The following ANKRD31 variants were observed in gnomAD, a reference collection of about 807,000 sequenced individuals.
ANKRD31 encodes the protein ankyrin repeat domain-containing protein 31.
In ANKRD31, 147 loss-of-function variants were observed where a neutral mutation model predicts 186.0. That is an observed-to-expected ratio of 0.79 (90% CI 0.69 to 0.91). The LOEUF is 0.91. Ranked by LOEUF, ANKRD31 falls within the 40% of genes least tolerant of loss-of-function variation. The pLI is 0.00. For synonymous variants in ANKRD31, 673 were observed against 736.4 expected, an observed-to-expected ratio of 0.91 and a Z score of 1.39; for missense variants, 1,986 against 2,148.8, an observed-to-expected ratio of 0.92 and a Z score of 1.50.
Position 75,146,992 on chromosome 5 carries a change from C to T in ANKRD31, c.2419G>A (p.Glu807Lys), listed in dbSNP as rs1279089537. 1 of 1,536,302 alleles carries T rather than the reference C, an allele frequency of 6.5e-7. No homozygotes were observed. Among genetic ancestry groups the T allele is most frequent in the Non-Finnish European group, 8.7e-7 (1 of 1,146,290 alleles). ...SSTEACSVSK[E>K]KHIQNLDLSD... ...AAATCCAGGTTCTGGATGTGTTTCTCTTTGGAAACTGAACAAGCCTCAGTA... is the reference window on the plus strand; with the variant it reads ...AAATCCAGGTTCTGGATGTGTTTCTTTTTGGAAACTGAACAAGCCTCAGTA... Residue 807 changes from glutamate to lysine, a missense_variant, in exon 14 of 26, where the codon GAG (glutamate) becomes AAG (lysine). Coordinates refer to ENST00000506364, the MANE Select transcript of ANKRD31 (RefSeq NM_001372053.1).
chr5:75,133,726 C>T (rs12466059), intron 17 of ANKRD31, among the ~76,000 whole-genome samples: 2 of 152,156 alleles, frequency 1.3e-5, no homozygotes, highest in African/African-American at 4.8e-5. Context: ...TTTTCAGCAC[C>T]ACACCACACC....
At chr5:75,118,983 C>T (rs984458351) in intron 17 of ANKRD31, among the ~76,000 whole-genome samples, 1 of 150,508 alleles carries the variant, frequency 6.6e-6, no homozygotes, top group African/African-American at 2.4e-5. Flanking sequence ...TCTATTTAGA[C>T]AATATTTTAT....
chr5:75,145,986 C>T lies in ANKRD31; in HGVS notation c.3424+1G>A. The stretch of plus-strand genomic sequence containing the variant: ...TACAGATTAAGCAATATTACTAATA[C>T]CTGGTTTGTGAGAAATTTCCTTCTT... On this transcript the variant is annotated splice_donor_variant, in intron 14 of 25. Coordinates refer to ENST00000506364, the MANE Select transcript of ANKRD31 (RefSeq NM_001372053.1). LOFTEE classifies it high-confidence loss of function. 2 of 1,467,382 alleles carry T rather than the reference C, an allele frequency of 1.4e-6. No homozygotes were observed. Among genetic ancestry groups the T allele is most frequent in the East Asian group, 2.5e-5 (1 of 40,356 alleles). 90.9% of individuals were successfully genotyped at this position (1,467,382 alleles called of 1,614,324 possible). A position where few individuals can be genotyped will look rare whatever the true frequency, so the allele number is the denominator to read the frequency against.
At chr5:75,149,209 C>A (rs1224933232) in intron 12 of ANKRD31, among the ~76,000 whole-genome samples, 4 of 151,658 alleles carry the variant, frequency 2.6e-5, no homozygotes, top group African/African-American at 9.7e-5. Flanking sequence ...ATAAAAGTAG[C>A]ATTAAAGTTA....
intron 7 of ANKRD31, among the ~76,000 whole-genome samples, chr5:75,194,877 G>C (rs1375125877): frequency 6.6e-6 from 1 of 152,118 alleles, no homozygotes; most frequent in Non-Finnish European, 1.5e-5. Context: ...TACCTCTAAA[G>C]AGTGAAACTG....
chr5:75,227,987 C>G (rs1011325391), intron 2 of ANKRD31, among the ~76,000 whole-genome samples: 3 of 152,204 alleles, frequency 2.0e-5, no homozygotes, highest in African/African-American at 7.2e-5. Flanking sequence ...AAACCATACC[C>G]CCAACCGCCA....
chr5:75,233,916 CA>C (rs955961027), intron 1 of ANKRD31, among the ~76,000 whole-genome samples: 35 of 140,476 alleles, frequency 2.5e-4, no homozygotes, highest in East Asian at 4.1e-4. Context: ...GACTCCGTCT[CA>C]AAAAAAAAAA....
chr5:75,094,381 A>G (rs1388547856), intron 22 of ANKRD31, among the ~76,000 whole-genome samples: 3 of 152,162 alleles, frequency 2.0e-5, no homozygotes, highest in African/African-American at 7.2e-5. Context: ...ATGTATAACA[A>G]TAATATCATA....
intron 24 of ANKRD31, 74 bp downstream of exon 24, chr5:75,084,198 T>A: frequency 1.8e-6 from 2 of 1,097,538 alleles, no homozygotes; most frequent in South Asian, 2.8e-5. Context: ...AAAGACAAAA[T>A]AAAATGAGTG....
intron 15 of ANKRD31, among the ~76,000 whole-genome samples, chr5:75,141,931 T>C (rs555143936): frequency 6.6e-6 from 1 of 152,262 alleles, no homozygotes; most frequent in Admixed American, 6.6e-5. Context: ...CAAAAACTTC[T>C]CAATGTTACT....
At chr5:75,197,571 TA>T (rs1755550843) in intron 6 of ANKRD31, among the ~76,000 whole-genome samples, 1 of 152,180 alleles carries the variant, frequency 6.6e-6, no homozygotes, top group South Asian at 2.1e-4. Context: ...ATTTATTTGT[TA>T]GCAATGCTAA....
At chr5:75,102,913 A>T (rs1003601391) in intron 22 of ANKRD31, among the ~76,000 whole-genome samples, 1 of 152,044 alleles carries the variant, frequency 6.6e-6, no homozygotes, top group Non-Finnish European at 1.5e-5. Flanking sequence ...GTTTCGGCTC[A>T]CACTCTGTGG....
At chr5:75,194,249 T>C (rs748052656) in intron 7 of ANKRD31, among the ~76,000 whole-genome samples, 3 of 152,182 alleles carry the variant, frequency 2.0e-5, no homozygotes, top group Non-Finnish European at 2.9e-5. Flanking sequence ...ATTTGATCTC[T>C]TCTAAGTAAG....
chr5:75,130,297 A>C (rs1485728552), intron 17 of ANKRD31, among the ~76,000 whole-genome samples: 1 of 152,222 alleles, frequency 6.6e-6, no homozygotes, highest in Non-Finnish European at 1.5e-5. Flanking sequence ...GCAGACCCAA[A>C]GAGTGAGCAG....
At chr5:75,134,741 C>T (rs879191463) in intron 17 of ANKRD31, among the ~76,000 whole-genome samples, 1 of 152,142 alleles carries the variant, frequency 6.6e-6, no homozygotes, top group Admixed American at 6.5e-5. Flanking sequence ...ACCAATATCC[C>T]TGATGAACAC....
At chr5:75,104,179 CACTT>C in intron 22 of ANKRD31, 45 bp downstream of exon 22, 6 of 1,373,268 alleles carry the variant, frequency 4.4e-6, no homozygotes, top group Non-Finnish European at 5.8e-6. Context: ...AACATTTACT[CACTT>C]ATTTATAAAA....
chr5:75,098,612 A>G (rs1338159811), intron 22 of ANKRD31, among the ~76,000 whole-genome samples: 1 of 152,042 alleles, frequency 6.6e-6, no homozygotes, highest in African/African-American at 2.4e-5. Context: ...TTCGTTGAGC[A>G]GTGGTTTGTA....
At chr5:75,076,483 C>T (rs560684554) in intron 25 of ANKRD31, among the ~76,000 whole-genome samples, 3 of 152,290 alleles carry the variant, frequency 2.0e-5, no homozygotes, top group African/African-American at 7.2e-5. Context: ...AGCATCCATG[C>T]GATCTCTGGG....
chr5:75,154,033 T>A (rs374297100), intron 12 of ANKRD31, among the ~76,000 whole-genome samples, 168 bp downstream of exon 12: 26 of 152,094 alleles, frequency 1.7e-4, no homozygotes, highest in African/African-American at 6.0e-4. Flanking sequence ...CCTATGTGCA[T>A]TTGCAAACAA....
Sources: gnomAD v4.1 joint callset for allele counts (sites outside exome capture counted in the v4.1 genomes callset) on GRCh38, gnomAD v4.1.1 for gene constraint, MANE v1.5 for transcripts, NCBI Gene and HGNC (gene_info 2026-07-23, HGNC 2026-07-21) for gene names.